Variants in ADARB1 observed in about 807,000 individuals in gnomAD.
The protein encoded by ADARB1 is double-stranded RNA-specific editase 1.
In ADARB1, 10 loss-of-function variants were observed where a neutral mutation model predicts 52.4. The observed-to-expected ratio is 0.19, with a 90% CI of 0.12 to 0.32. ADARB1 has a LOEUF of 0.32. Among genes scored for constraint, ADARB1 ranks in the 10% least tolerant of loss-of-function variants. ADARB1 has a pLI of 1.00. For missense variants in ADARB1, 643 were observed against 922.3 expected, an observed-to-expected ratio of 0.70 and a Z score of 3.92; for synonymous variants, 349 against 371.1, an observed-to-expected ratio of 0.94 and a Z score of 0.68.
intron 2 of ADARB1, among the ~76,000 whole-genome samples, chr21:45,154,753 C>G (rs922494954): frequency 6.6e-6 from 1 of 152,142 alleles, no homozygotes; most frequent in Non-Finnish European, 1.5e-5. Flanking sequence ...AATAATGTAC[C>G]ATTTAAATAC....
chr21:45,198,493 T>C (rs199964072), intron 8 of ADARB1, among the ~76,000 whole-genome samples: 20,928 of 116,846 alleles, frequency 0.18, 1,623 homozygotes, highest in East Asian at 0.36. Flanking sequence ...CCTATTAAAT[T>C]AAATCACACA....
intron 1 of ADARB1, among the ~76,000 whole-genome samples, chr21:45,085,785 A>G (rs1448930544): frequency 6.6e-6 from 1 of 152,210 alleles, no homozygotes; most frequent in Non-Finnish European, 1.5e-5. Context: ...CTCTAATGAA[A>G]CTGTGAGGAA....
chr21:45,179,834 C>G (rs1467154330), intron 4 of ADARB1, among the ~76,000 whole-genome samples: 1 of 152,132 alleles, frequency 6.6e-6, no homozygotes, highest in Non-Finnish European at 1.5e-5. Flanking sequence ...GCCCCTTTCT[C>G]TTGCCTTTGA....
Position 45,184,988 on chromosome 21 carries a change from GA to G in ADARB1, c.1463del (p.Glu488GlyfsTer80). On this transcript the variant is annotated frameshift_variant, in exon 8 of 11. Transcript: ENST00000348831. LOFTEE classifies it high-confidence loss of function. ...GQLRTKIESGEGTIPVRSNAS... is the reference protein window; with the variant it reads ...GQLRTKIESGXGTIPVRSNAS... The stretch of plus-strand genomic sequence containing the variant: ...GCTACGGACCAAAATAGAGTCTGGT[GA>G]GGGGACGATTCCAGTGCGCTCCAAT... 1 of 1,614,226 alleles carries G rather than the reference GA, an allele frequency of 6.2e-7. No homozygotes were observed. Among genetic ancestry groups the G allele is most frequent in the Non-Finnish European group, 8.5e-7 (1 of 1,180,030 alleles).
chr21:45,139,264 C>G (rs2089572417), intron 2 of ADARB1, among the ~76,000 whole-genome samples: 1 of 152,200 alleles, frequency 6.6e-6, no homozygotes, highest in South Asian at 2.1e-4. Flanking sequence ...TTCTTCTGTT[C>G]TGTAACCTTG....
rs1328758416 is a variant in ADARB1, at chr21:45,142,833, G to GTTA, written c.-48+14260_-48+14261insTTA. 6.6e-5 allele frequency among the ~76,000 whole-genome samples: 10 copies of GTTA among 152,290 alleles called. No homozygotes were observed. Among genetic ancestry groups the GTTA allele is most frequent in the Admixed American group, 6.5e-4 (10 of 15,302 alleles). On this transcript the variant is annotated intron_variant, in intron 2 of 10. Coordinates refer to ENST00000348831, the MANE Select transcript of ADARB1 (RefSeq NM_001112.4). This position sits in a 1 kb window ranked among gnomAD's most constrained non-coding sequence, Gnocchi z 4.0. Reference sequence around the variant, plus strand: ...GCCCAGAAGGTAAGAAATTGCCTACGGCCCTTGGCTAATAGAAGAGGGAGC... The same window carrying GTTA: ...GCCCAGAAGGTAAGAAATTGCCTACGTTAGCCCTTGGCTAATAGAAGAGGGAGC...
At chr21:45,096,503 C>G (rs1469671547) in intron 1 of ADARB1, among the ~76,000 whole-genome samples, 2 of 152,240 alleles carry the variant, frequency 1.3e-5, no homozygotes, top group African/African-American at 4.8e-5. Flanking sequence ...GGGACAGCCC[C>G]AGTGCTCCCC....
At chr21:45,188,814 G>A (rs2092195850) in intron 8 of ADARB1, among the ~76,000 whole-genome samples, 1 of 151,890 alleles carries the variant, frequency 6.6e-6, no homozygotes, top group African/African-American at 2.4e-5. Context: ...TCTAATGATA[G>A]GTGTATTAGT....
At chr21:45,170,417 T>C (rs897621183) in intron 2 of ADARB1, among the ~76,000 whole-genome samples, 2 of 152,218 alleles carry the variant, frequency 1.3e-5, no homozygotes, top group Non-Finnish European at 2.9e-5. Context: ...TATCTTGAAA[T>C]AGTTAATGAC....
rs2093040792 is a variant in ADARB1, at chr21:45,225,087, T to A, written c.*2890T>A. ...GGGCTTCTGTTGTTTTGTTTTGTTT[T>A]GTTTTGTTAACTAAACCTGAAGTAT... On this transcript the variant is annotated 3_prime_UTR_variant, in exon 11 of 11. Transcript: ENST00000348831. The A allele has an allele frequency of 1.0e-6, 1 of 988,684 alleles. No homozygotes were observed. The highest frequency in any genetic ancestry group is 1.2e-6 in the Non-Finnish European group (1 of 832,638). 61.2% of individuals were successfully genotyped at this position (988,684 alleles called of 1,614,324 possible).
At chr21:45,195,290 A>T (rs1451961836) in intron 8 of ADARB1, among the ~76,000 whole-genome samples, 2 of 152,086 alleles carry the variant, frequency 1.3e-5, no homozygotes, top group African/African-American at 2.4e-5. Context: ...AGTTTTTTGT[A>T]TATTTGGAAG....
intron 1 of ADARB1, among the ~76,000 whole-genome samples, chr21:45,116,541 A>G (rs902816399): frequency 1.3e-5 from 2 of 152,242 alleles, no homozygotes; most frequent in African/African-American, 4.8e-5. Context: ...TCATACTGCT[A>G]ATAAAGACAT....
intron 1 of ADARB1, among the ~76,000 whole-genome samples, chr21:45,081,450 A>G (rs1282524281): frequency 2.0e-5 from 3 of 152,204 alleles, no homozygotes; most frequent in East Asian, 1.9e-4. Flanking sequence ...TAGGCTTTGT[A>G]TTAGATGATT....
chr21:45,152,582 C>T (rs772163540), intron 2 of ADARB1: 16 of 381,746 alleles, frequency 4.2e-5, no homozygotes, highest in South Asian at 1.8e-4. Context: ...AGGCTGGGGC[C>T]GGCCGGACTG....
chr21:45,167,293 G>A lies in ADARB1; in HGVS notation c.-47-4317G>A, dbSNP rs1056056947. Among the ~76,000 whole-genome samples the A allele has an allele frequency of 5.3e-5, 8 of 152,198 alleles. 1 individual carries two copies. Among genetic ancestry groups the A allele is most frequent in the Admixed American group, 4.6e-4 (7 of 15,290 alleles). On this transcript the variant is annotated intron_variant, in intron 2 of 10. Transcript: ENST00000348831. ...GAATTAGGTGAACTACATGAGCTGG[G>A]CTCACTCCTGTGCCTCTGCACTTTT...
intron 2 of ADARB1, among the ~76,000 whole-genome samples, chr21:45,154,984 T>G (rs543558370): frequency 3.9e-5 from 6 of 152,164 alleles, no homozygotes; most frequent in Non-Finnish European, 8.8e-5. Context: ...GGGAGAGAGA[T>G]GGGAACAAAG....
At position 45,183,413 on chromosome 21, in the gene ADARB1, G is replaced by A; in HGVS notation, c.1299G>A (p.Gly433=). 6.2e-7 allele frequency: 1 copy of A among 1,610,472 alleles called. No homozygotes were observed. The highest frequency in any genetic ancestry group is 8.5e-7 in the Non-Finnish European group (1 of 1,178,964). ...TCTTTCAGAAATCAGAGCGAGGGGG[G>A]TTTAGGCTGAAGGAGAATGTCCAGT... The part of the protein sequence containing the change: ...RSIFQKSERG[G]FRLKENVQFH... The change falls in exon 7 of 11, where the codon GGG becomes GGA. Residue 433 remains glycine (G), a synonymous_variant. Transcript: ENST00000348831.
chr21:45,117,432 T>C (rs976563814), intron 1 of ADARB1, among the ~76,000 whole-genome samples: 8 of 152,244 alleles, frequency 5.3e-5, no homozygotes, highest in Non-Finnish European at 7.3e-5. Context: ...TTCTGTTATG[T>C]ATATGGGATT....
chr21:45,210,340 T>C (rs2092743990), intron 9 of ADARB1, among the ~76,000 whole-genome samples: 1 of 152,212 alleles, frequency 6.6e-6, no homozygotes, highest in African/African-American at 2.4e-5. Flanking sequence ...GGGATCTGGC[T>C]GAAAGGATTA....
Sources: gnomAD v4.1 joint callset for allele counts (sites outside exome capture counted in the v4.1 genomes callset) on GRCh38, gnomAD v4.1.1 for gene constraint, Gnocchi (gnomAD v3.1) non-coding constraint, MANE v1.5 for transcripts, NCBI Gene and HGNC (gene_info 2026-07-23, HGNC 2026-07-21) for gene names.